Variants in SLC26A7 observed in about 807,000 individuals in gnomAD.
SLC26A7 encodes anion exchange transporter.
SLC26A7 carries 59 observed loss-of-function variants against 82.5 expected under a neutral mutation model. The ratio of observed to expected loss-of-function variants is 0.72; its 90% CI spans 0.58 to 0.89. The LOEUF is 0.89. SLC26A7 is among the 40% of genes least tolerant of loss of function. The pLI is 0.00. For synonymous variants in SLC26A7, 271 were observed against 274.3 expected (o/e 0.99, Z 0.12); for missense variants, 820 against 793.0 (o/e 1.03, Z -0.41).
intron 13 of SLC26A7, among the ~76,000 whole-genome samples, chr8:91,365,343 T>G (rs559108775): frequency 5.3e-5 from 8 of 151,946 alleles, no homozygotes; most frequent in African/African-American, 1.9e-4. Flanking sequence ...TCTCATAATG[T>G]TTTAAGAAAG....
intron 5 of SLC26A7, among the ~76,000 whole-genome samples, chr8:91,326,408 G>A (rs567589927): frequency 4.6e-5 from 7 of 152,142 alleles, no homozygotes; most frequent in Admixed American, 2.6e-4. Flanking sequence ...GCTTGCAAAC[G>A]GCCTCCCTCT....
Position 91,340,482 on chromosome 8 carries a change from C to T in SLC26A7, c.957C>T (p.Gly319=). ...ITEAFGVALV[G]YVASLALAQG... is the part of the protein sequence containing the mutation. ...AAGCTTTCGGAGTGGCACTTGTAGG[C>T]TATGTGGCCTCACTGGCTCTTGCTC... is the stretch of plus-strand genomic sequence containing the variant. Residue 319 remains glycine, a synonymous_variant, in exon 8 of 19, where the codon GGC becomes GGT. Transcript: ENST00000276609. 1 of 1,613,964 alleles carries T rather than the reference C, an allele frequency of 6.2e-7. No homozygotes were observed. Among genetic ancestry groups the T allele is most frequent in the Non-Finnish European group, 8.5e-7 (1 of 1,179,934 alleles).
At chr8:91,246,252 CCTT>C (rs1172236984), upstream of SLC26A7, among the ~76,000 whole-genome samples, 3 of 152,116 alleles carry the variant, frequency 2.0e-5, no homozygotes, top group Non-Finnish European at 2.9e-5. Context: ...GTCTGCAGCT[CCTT>C]CTGCTAAATT....
intron 2 of SLC26A7, among the ~76,000 whole-genome samples, chr8:91,240,515 G>C (rs1355596513): frequency 2.0e-5 from 3 of 152,040 alleles, no homozygotes; most frequent in Non-Finnish European, 4.4e-5. Flanking sequence ...AACTTATTCT[G>C]CATCTTCCAA....
intron 4 of SLC26A7, among the ~76,000 whole-genome samples, chr8:91,307,932 C>A (rs935769197): frequency 2.6e-5 from 4 of 152,134 alleles, no homozygotes; most frequent in African/African-American, 9.7e-5. Context: ...CTTCTGGCCT[C>A]AAGCCATCCT....
In SLC26A7 at chr8:91,343,259, T is replaced by C. The variant is rs1389027400; in HGVS notation, c.1027-94T>C. 11 of 763,782 alleles carry C rather than the reference T, an allele frequency of 1.4e-5. No individual in the cohort carries two copies. The African/African-American group carries it at 1.9e-4, about 13-fold the overall frequency. The allele number at this position is 763,782 out of a possible 1,614,324, so 47.3% of individuals were successfully genotyped here. On this transcript the variant is annotated intron_variant, in intron 8 of 18. Coordinates refer to ENST00000276609, the MANE Select transcript of SLC26A7 (RefSeq NM_052832.4). Reference sequence around the variant, plus strand: ...ACTGGTGGGGAGAACAAAATCTGAATACAAACAAGCCTCATTATGTGACAA... The same window carrying C: ...ACTGGTGGGGAGAACAAAATCTGAACACAAACAAGCCTCATTATGTGACAA...
At chr8:91,383,272 T>C (rs7008245) in intron 15 of SLC26A7, among the ~76,000 whole-genome samples, 8,957 of 152,150 alleles carry the variant, frequency 0.059, 382 homozygotes, top group African/African-American at 0.13. Flanking sequence ...ATGATGATTC[T>C]GAAACTTTGA....
chr8:91,382,760 T>C (rs1814700990), intron 15 of SLC26A7, among the ~76,000 whole-genome samples: 2 of 152,224 alleles, frequency 1.3e-5, no homozygotes, highest in African/African-American at 4.8e-5. Flanking sequence ...GCATTTTTAA[T>C]TTCCATTGTA....
In SLC26A7 at chr8:91,388,657, G is replaced by C. The variant is rs1814869905; in HGVS notation, c.1676-681G>C. Reference sequence around the variant, plus strand: ...GGGACCCCAAATGTGGCCTGTCACTGTTAAGAAATAGGTCATATCATGTAA... The same window carrying C: ...GGGACCCCAAATGTGGCCTGTCACTCTTAAGAAATAGGTCATATCATGTAA... On this transcript the variant is annotated intron_variant, in intron 15 of 18. Transcript: ENST00000276609. 2.6e-5 allele frequency among the ~76,000 whole-genome samples: 4 copies of C among 152,250 alleles called. 1 individual carries two copies. The South Asian group carries it at 8.3e-4, about 32-fold the overall frequency.
chr8:91,258,708 G>A (rs1458949202), intron 2 of SLC26A7, among the ~76,000 whole-genome samples: 1 of 152,100 alleles, frequency 6.6e-6, no homozygotes, highest in Non-Finnish European at 1.5e-5. Flanking sequence ...AAGGAAAGTA[G>A]ATTAATTTGC....
At chr8:91,245,192 T>C (rs1356227072), upstream of SLC26A7, among the ~76,000 whole-genome samples, 3 of 152,216 alleles carry the variant, frequency 2.0e-5, no homozygotes, top group Non-Finnish European at 4.4e-5. Flanking sequence ...GCTGAGGAAC[T>C]AATTATGTGT....
At chr8:91,263,414 A>G (rs1811021554) in intron 2 of SLC26A7, among the ~76,000 whole-genome samples, 1 of 152,102 alleles carries the variant, frequency 6.6e-6, no homozygotes. Flanking sequence ...TAATTTAGAA[A>G]ACTGAATAGG....
At chr8:91,370,398 C>G (rs1262293762) in intron 15 of SLC26A7, among the ~76,000 whole-genome samples, 1 of 151,692 alleles carries the variant, frequency 6.6e-6, no homozygotes, top group East Asian at 1.9e-4. Flanking sequence ...TTTACTTAAA[C>G]ATTTGAACCA....
chr8:91,277,052 T>C (rs1462860953), intron 2 of SLC26A7, among the ~76,000 whole-genome samples: 1 of 152,210 alleles, frequency 6.6e-6, no homozygotes, highest in Non-Finnish European at 1.5e-5. Context: ...AGCCCTCTTT[T>C]CCCTTGCTTT....
At chr8:91,391,201 G>T (rs538018974) in intron 16 of SLC26A7, among the ~76,000 whole-genome samples, 11 of 152,080 alleles carry the variant, frequency 7.2e-5, no homozygotes, top group African/African-American at 2.7e-4. Flanking sequence ...GTGAAGATAC[G>T]GGTGGGAGTG....
chr8:91,350,262 C>G (rs1450280522), intron 9 of SLC26A7, among the ~76,000 whole-genome samples: 1 of 152,002 alleles, frequency 6.6e-6, no homozygotes, highest in Non-Finnish European at 1.5e-5. Flanking sequence ...TATACACACA[C>G]CTTTTAATAG....
chr8:91,368,425 G>GTTT (rs1269729279), intron 14 of SLC26A7, among the ~76,000 whole-genome samples: 1 of 90,612 alleles, frequency 1.1e-5, no homozygotes, highest in Non-Finnish European at 2.4e-5. Context: ...TTTTTTTTTT[G>GTTT]TTTTTTTTTT....
At chr8:91,292,701 A>C (rs1417048761) in intron 3 of SLC26A7, among the ~76,000 whole-genome samples, 1 of 152,154 alleles carries the variant, frequency 6.6e-6, no homozygotes, top group Non-Finnish European at 1.5e-5. Flanking sequence ...TTGCTCAACA[A>C]TGTGAACTTT....
Position 91,394,982 on chromosome 8 carries a change from TTAC to T in SLC26A7, c.1936-75_1936-73del, listed in dbSNP as rs375112741. 4.0e-6 allele frequency: 6 copies of T among 1,487,780 alleles called. No individual in the cohort carries two copies. In the African/African-American group the frequency reaches 8.3e-5, roughly 21 times the overall value. The allele number at this position is 1,487,780 out of a possible 1,614,324, so 92.2% of individuals were successfully genotyped here. A position where few individuals can be genotyped will look rare whatever the true frequency, so the allele number is the denominator to read the frequency against. ...GGCTTAGCTGGACAGCTTGCTTCAG[TTAC>T]TACTGTTCTTTTACTTTGGTACCAA... is the stretch of plus-strand genomic sequence containing the variant. On this transcript the variant is annotated intron_variant, in intron 18 of 18. Coordinates refer to ENST00000276609, the MANE Select transcript of SLC26A7 (RefSeq NM_052832.4).
Sources: allele counts gnomAD v4.1 joint callset (sites outside exome capture counted in the v4.1 genomes callset), GRCh38; gene constraint gnomAD v4.1.1; transcripts MANE v1.5; gene names NCBI Gene and HGNC (gene_info 2026-07-23, HGNC 2026-07-21).